Variants in PLEKHA6 observed in about 807,000 individuals in gnomAD.
PLEKHA6 encodes pleckstrin homology domain containing A6.
PLEKHA6 carries 60 observed loss-of-function variants against 116.7 expected under a neutral mutation model. The ratio of observed to expected loss-of-function variants is 0.51; its 90% confidence interval spans 0.42 to 0.64. The LOEUF is 0.64. Ranked by LOEUF, PLEKHA6 falls within the 30% of genes least tolerant of loss-of-function variation. The pLI, the probability that PLEKHA6 is intolerant of heterozygous loss-of-function variation, is 0.00. For missense variants in PLEKHA6, 1,338 were observed against 1,422.7 expected (o/e 0.94, Z 0.96); for synonymous variants, 489 against 556.1 (o/e 0.88, Z 1.70).
chr1:204,337,651 C>G (rs1166586160), intron 1 of PLEKHA6, among the ~76,000 whole-genome samples: 2 of 152,138 alleles, frequency 1.3e-5, no homozygotes, highest in African/African-American at 4.8e-5. Flanking sequence ...CTAGGAGAAG[C>G]CTCCGGGGTG....
chr1:204,271,068 G>A (rs551845615), intron 3 of PLEKHA6, among the ~76,000 whole-genome samples: 17 of 152,332 alleles, frequency 1.1e-4, no homozygotes, highest in South Asian at 2.1e-4. Flanking sequence ...TGGGCCACAC[G>A]CAGCCCAGGA....
intron 15 of PLEKHA6, chr1:204,243,036 G>A (rs1663062529): frequency 2.5e-6 from 1 of 399,226 alleles, no homozygotes; most frequent in Non-Finnish European, 4.4e-6. Context: ...TGACTCCAGG[G>A]CCCTGCCTTG....
intron 10 of PLEKHA6, 28 bp downstream of exon 10, chr1:204,250,518 G>C (rs1340757361): frequency 3.2e-6 from 5 of 1,542,516 alleles, no homozygotes; most frequent in Non-Finnish European, 4.5e-6. Context: ...CTGGAGTGGA[G>C]GGAGGGAGCA....
At position 204,268,358 on chromosome 1, in the gene PLEKHA6, T is replaced by C. The variant is rs371506615; in HGVS notation, c.103-46A>G. 5.3e-5 allele frequency: 73 copies of C among 1,376,720 alleles called. No homozygotes were observed. The African/African-American group carries it at 8.8e-4, about 17-fold the overall frequency. 85.3% of individuals were successfully genotyped at this position (1,376,720 alleles called of 1,614,324 possible). ...TGATCTAGGTCCCCAGTCTCCTCCT[T>C]CCTGCTTTATCTGCAAGGGAGCCAC... is the stretch of plus-strand genomic sequence containing the variant. On this transcript the variant is annotated intron_variant, in intron 3 of 22. Transcript: ENST00000272203.
intron 1 of PLEKHA6, among the ~76,000 whole-genome samples, chr1:204,295,059 C>G (rs1192602791): frequency 6.6e-6 from 1 of 152,174 alleles, no homozygotes; most frequent in African/African-American, 2.4e-5. Flanking sequence ...ACAATTAACA[C>G]CTGAGAATCT....
chr1:204,234,973 TA>T (rs1661755922), intron 17 of PLEKHA6, among the ~76,000 whole-genome samples: 1 of 11,952 alleles, frequency 8.4e-5, no homozygotes, highest in Non-Finnish European at 1.4e-4. Flanking sequence ...TATATATATA[TA>T]TATATATATA....
At chr1:204,247,527 T>C (rs1663888617) in intron 12 of PLEKHA6, 67 bp from the exon 13 acceptor site, 5 of 1,052,806 alleles carry the variant, frequency 4.7e-6, no homozygotes, top group African/African-American at 1.6e-5. Flanking sequence ...TATCCTGCAA[T>C]GGACCCTGGG....
chr1:204,320,853 T>C (rs1672036941), intron 1 of PLEKHA6, among the ~76,000 whole-genome samples: 1 of 152,158 alleles, frequency 6.6e-6, no homozygotes, highest in African/African-American at 2.4e-5. Context: ...CCCAGAATAA[T>C]GCCATTACAT....
In PLEKHA6 at chr1:204,267,458, C is replaced by G. The variant is rs779921128; in HGVS notation, c.280+17G>C. Reference sequence around the variant, plus strand: ...CTGGCTTCCTGCCATCCCTGCCAGTCCAAGGGCCAAGCTCACCTTTATAGT... The same window carrying G: ...CTGGCTTCCTGCCATCCCTGCCAGTGCAAGGGCCAAGCTCACCTTTATAGT... On this transcript the variant is annotated intron_variant, in intron 5 of 22. Transcript: ENST00000272203. 6.2e-7 allele frequency: 1 copy of G among 1,611,408 alleles called. No homozygotes were observed. The highest frequency in any genetic ancestry group is 8.5e-7 in the Non-Finnish European group (1 of 1,177,618).
chr1:204,318,008 T>A (rs1405129498), intron 1 of PLEKHA6, among the ~76,000 whole-genome samples: 1 of 152,234 alleles, frequency 6.6e-6, no homozygotes. Flanking sequence ...TTTCATACAC[T>A]TATACACACA....
At chr1:204,295,713 C>T (rs1194946605) in intron 1 of PLEKHA6, among the ~76,000 whole-genome samples, 3 of 152,060 alleles carry the variant, frequency 2.0e-5, no homozygotes, top group African/African-American at 7.2e-5. Flanking sequence ...TCATCTGAAA[C>T]CCTCACCCCA....
At chr1:204,331,581 G>A (rs948117401) in intron 1 of PLEKHA6, among the ~76,000 whole-genome samples, 1 of 152,286 alleles carries the variant, frequency 6.6e-6, no homozygotes, top group East Asian at 1.9e-4. Context: ...GAAGGGACAC[G>A]ATGAATATTC....
At chr1:204,229,302 C>A (rs142860066) in intron 18 of PLEKHA6, among the ~76,000 whole-genome samples, 198 bp from the exon 19 acceptor site, 1 of 152,364 alleles carries the variant, frequency 6.6e-6, no homozygotes, top group East Asian at 1.9e-4. Context: ...GCCCCAGGGG[C>A]AACATCTCAT....
rs145157726 is a variant in PLEKHA6, at chr1:204,247,646, GA to G, written c.1825-187del. Among the ~76,000 whole-genome samples, 464 of 152,222 alleles carry G rather than the reference GA, an allele frequency of 3.0e-3. 5 individuals are homozygous for G. Among genetic ancestry groups the G allele is most frequent in the African/African-American group, 0.01 (434 of 41,520 alleles). On this transcript the variant is annotated intron_variant, in intron 12 of 22. Transcript: ENST00000272203. ...TGACAGCCAAACACTAGCCTTACAA[GA>G]GATGTAACAGCCCATCCCACCACCA...
chr1:204,264,403 C>T (rs188218805), intron 6 of PLEKHA6, among the ~76,000 whole-genome samples: 7 of 152,240 alleles, frequency 4.6e-5, no homozygotes, highest in South Asian at 2.1e-4. Context: ...ATGGTTTCTT[C>T]GTAAGATTTG....
chr1:204,294,647 G>A (rs983132830), intron 1 of PLEKHA6, among the ~76,000 whole-genome samples: 1 of 152,010 alleles, frequency 6.6e-6, no homozygotes, highest in African/African-American at 2.4e-5. Flanking sequence ...TGAGATTTTT[G>A]GCTCTGGAGT....
At chr1:204,241,539 C>G (rs968207642) in intron 16 of PLEKHA6, 58 bp from the exon 17 acceptor site, 2 of 1,420,186 alleles carry the variant, frequency 1.4e-6, no homozygotes, top group Non-Finnish European at 1.9e-6. Context: ...CAGGAAGCCT[C>G]CTTCTCAGAG....
Position 204,316,459 on chromosome 1 carries a change from C to T in PLEKHA6, c.-94-41650G>A, listed in dbSNP as rs944232075. 1.2e-4 allele frequency among the ~76,000 whole-genome samples: 18 copies of T among 152,282 alleles called. No homozygotes were observed. In the Middle Eastern group the frequency reaches 0.01, roughly 86 times the overall value. On this transcript the variant is annotated intron_variant, in intron 1 of 22. Transcript: ENST00000272203. ...CTTTCAATGGGTGAGTCCAGGGGTA[C>T]CCAACCCCTTGTTCCCAGTGCCTTT...
chr1:204,363,903 C>A (rs1405492724), upstream of PLEKHA6, among the ~76,000 whole-genome samples: 1 of 152,158 alleles, frequency 6.6e-6, no homozygotes, highest in African/African-American at 2.4e-5. Flanking sequence ...CACGTTTTAA[C>A]CTTTCGCTTG....
Sources: allele counts gnomAD v4.1 joint callset (sites outside exome capture counted in the v4.1 genomes callset), GRCh38; gene constraint gnomAD v4.1.1; transcripts MANE v1.5; gene names NCBI Gene and HGNC (gene_info 2026-07-23, HGNC 2026-07-21).